Variants in DPYSL3 observed in about 807,000 individuals in gnomAD.
DPYSL3 encodes dihydropyrimidinase like 3.
DPYSL3 carries 16 observed loss-of-function variants against 66.1 expected under a neutral mutation model. The observed-to-expected ratio is 0.24, with a 90% CI of 0.16 to 0.37. DPYSL3 has a LOEUF of 0.37. DPYSL3 is among the 10% of genes least tolerant of loss of function. The pLI, the probability that DPYSL3 is intolerant of heterozygous loss-of-function variation, is 1.00. For missense variants in DPYSL3, 738 were observed against 916.2 expected (o/e 0.81, Z 2.51); for synonymous variants, 338 against 345.1 (o/e 0.98, Z 0.23).
intron 1 of DPYSL3, among the ~76,000 whole-genome samples, chr5:147,474,085 T>C (rs1753122171): frequency 6.6e-6 from 1 of 152,216 alleles, no homozygotes; most frequent in African/African-American, 2.4e-5. Flanking sequence ...ACTGTCTTAA[T>C]CTTTTTGAGT....
At chr5:147,460,203 G>A (rs924178802) in intron 1 of DPYSL3, among the ~76,000 whole-genome samples, 1 of 152,186 alleles carries the variant, frequency 6.6e-6, no homozygotes, top group African/African-American at 2.4e-5. Context: ...CACAAGTGAA[G>A]TTACATTCAT....
intron 7 of DPYSL3, among the ~76,000 whole-genome samples, chr5:147,408,367 A>G (rs1435098592): frequency 1.3e-5 from 2 of 152,218 alleles, no homozygotes; most frequent in Admixed American, 6.5e-5. Flanking sequence ...GTATATAAAA[A>G]ACCCATTCAA....
intron 7 of DPYSL3, among the ~76,000 whole-genome samples, 178 bp downstream of exon 7, chr5:147,408,550 A>G (rs1581177540): frequency 1.3e-5 from 2 of 152,190 alleles, no homozygotes; most frequent in African/African-American, 2.4e-5. Flanking sequence ...AGGGGTCAGA[A>G]ATAAGCATGT....
intron 3 of DPYSL3, among the ~76,000 whole-genome samples, chr5:147,417,442 G>A (rs1751992254): frequency 6.6e-6 from 1 of 152,160 alleles, no homozygotes; most frequent in Non-Finnish European, 1.5e-5. Context: ...TTATGGCTTT[G>A]GTGCAATTTT....
rs1241871008 is a variant in DPYSL3, at chr5:147,415,752, A to G, written c.777T>C (p.Asn259=). 6.2e-7 allele frequency: 1 copy of G among 1,614,096 alleles called. No individual in the cohort carries two copies. Among genetic ancestry groups the G allele is most frequent in the Non-Finnish European group, 8.5e-7 (1 of 1,179,988 alleles). Residue 259 remains asparagine (N), a synonymous_variant, in exon 4 of 14, where the codon AAT becomes AAC. Transcript: ENST00000343218. Reference sequence around the variant, plus strand: ...TCTGCACTTCCTGCTTGACGCTGTCATTCCAGTGGGTGATGTCCACATGCA... The same window carrying G: ...TCTGCACTTCCTGCTTGACGCTGTCGTTCCAGTGGGTGATGTCCACATGCA... The part of the protein sequence containing the change: ...YALHVDITHW[N]DSVKQEVQNL...
intron 1 of DPYSL3, among the ~76,000 whole-genome samples, chr5:147,488,572 C>G (rs922005358): frequency 1.3e-5 from 2 of 151,794 alleles, no homozygotes; most frequent in Non-Finnish European, 2.9e-5. Context: ...TAAAAATTAG[C>G]CTGCATGGTG....
chr5:147,504,719 C>T (rs1753660931), intron 1 of DPYSL3, among the ~76,000 whole-genome samples: 1 of 152,216 alleles, frequency 6.6e-6, no homozygotes. Flanking sequence ...GTTCCCTCTG[C>T]ACCCAGAGCC....
At chr5:147,485,958 A>G (rs62379595) in intron 1 of DPYSL3, among the ~76,000 whole-genome samples, 3,989 of 152,264 alleles carry the variant, frequency 0.026, 65 homozygotes, top group Non-Finnish European at 0.041. Flanking sequence ...CCCAATGTCT[A>G]TCAGCTGATG....
At chr5:147,485,422 C>A (rs1344999095) in intron 1 of DPYSL3, among the ~76,000 whole-genome samples, 1 of 152,166 alleles carries the variant, frequency 6.6e-6, no homozygotes, top group Non-Finnish European at 1.5e-5. Context: ...CAGCAATACT[C>A]TCCCATAGCA....
intron 1 of DPYSL3, among the ~76,000 whole-genome samples, chr5:147,467,303 G>T (rs1753024521): frequency 6.6e-6 from 1 of 152,298 alleles, no homozygotes; most frequent in Admixed American, 6.5e-5. Context: ...ACACAAAAAA[G>T]GGGAAACAGG....
At position 147,391,873 on chromosome 5, in the gene DPYSL3, CG is replaced by C. The variant is rs1757818960; in HGVS notation, c.*2161del. 1 of 152,112 alleles carries C rather than the reference CG, an allele frequency of 6.6e-6. No individual in the cohort carries two copies. The highest frequency in any genetic ancestry group is 1.5e-5 in the Non-Finnish European group (1 of 68,042). The allele number at this position is 152,112 out of a possible 1,614,324, so 9.4% of individuals were successfully genotyped here. A position where few individuals can be genotyped will look rare whatever the true frequency, so the allele number is the denominator to read the frequency against. On this transcript the variant is annotated 3_prime_UTR_variant, in exon 14 of 14. Transcript: ENST00000343218. ...AAGGTTCTGGTGGAATGGTTCACTTCGGAAGTCCCAAGGGCAGTGCGGATGA... is the reference window on the plus strand; with the variant it reads ...AAGGTTCTGGTGGAATGGTTCACTTCGAAGTCCCAAGGGCAGTGCGGATGA...
At chr5:147,478,469 A>G (rs548796206) in intron 1 of DPYSL3, among the ~76,000 whole-genome samples, 6 of 152,342 alleles carry the variant, frequency 3.9e-5, no homozygotes, top group East Asian at 1.9e-4. Flanking sequence ...GAAGGCAGCC[A>G]AGAGAGTCCA....
chr5:147,400,818 T>C lies in DPYSL3; in HGVS notation c.1326A>G (p.Leu442=), dbSNP rs762286701. 6.2e-7 allele frequency: 1 copy of C among 1,613,840 alleles called. No homozygotes were observed. The highest frequency in any genetic ancestry group is 1.7e-5 in the Admixed American group (1 of 59,998). ...NSLLASGDLQ[L]SGSAHCTFST... ...TGAAGGTGCAGTGGGCACTCCCAGATAGCTGCAGATCCCCGCTGGCAAAGG... is the reference window on the plus strand; with the variant it reads ...TGAAGGTGCAGTGGGCACTCCCAGACAGCTGCAGATCCCCGCTGGCAAAGG... Residue 442 remains leucine, a synonymous_variant, in exon 10 of 14, where the codon CTA becomes CTG. Transcript: ENST00000343218.
intron 1 of DPYSL3, among the ~76,000 whole-genome samples, chr5:147,452,409 A>G (rs1489697756): frequency 2.0e-5 from 3 of 151,920 alleles, no homozygotes; most frequent in African/African-American, 7.2e-5. Context: ...TTCAGCTTGC[A>G]AAGATGGAGT....
At chr5:147,464,281 G>T (rs6870493) in intron 1 of DPYSL3, among the ~76,000 whole-genome samples, 350 of 152,240 alleles carry the variant, frequency 2.3e-3, no homozygotes, top group African/African-American at 8.2e-3. Context: ...AGAACCAAGG[G>T]GAAGAAGCAG....
rs1408390646 is a variant in DPYSL3, at chr5:147,399,379, G to A, written c.1453-127C>T. On this transcript the variant is annotated intron_variant, in intron 10 of 13. Transcript: ENST00000343218. ...CAAAAAGGAGCCACCTGAAAAGCTG[G>A]TGAGCTACAGAACCTCACTCAGCAA... The A allele has an allele frequency of 5.4e-6, 6 of 1,119,010 alleles. No homozygotes were observed. The Admixed American group carries it at 1.1e-4, about 21-fold the overall frequency. The allele number at this position is 1,119,010 out of a possible 1,614,324, so 69.3% of individuals were successfully genotyped here.
chr5:147,466,053 T>A (rs1417899712), intron 1 of DPYSL3, among the ~76,000 whole-genome samples: 1 of 152,192 alleles, frequency 6.6e-6, no homozygotes. Context: ...TTTTATAGAT[T>A]TCACACTCAC....
chr5:147,395,758 T>A, intron 12 of DPYSL3, 37 bp from the exon 13 acceptor site: 1 of 1,610,740 alleles, frequency 6.2e-7, no homozygotes, highest in East Asian at 2.2e-5. Flanking sequence ...ATTCATTCAT[T>A]CAGCATTTTA....
At chr5:147,454,545 C>T (rs1409052797) in intron 1 of DPYSL3, among the ~76,000 whole-genome samples, 1 of 152,204 alleles carries the variant, frequency 6.6e-6, no homozygotes, top group Admixed American at 6.5e-5. Flanking sequence ...GACTGAGTCT[C>T]AGAATCAAAG....
Sources: allele counts gnomAD v4.1 joint callset (sites outside exome capture counted in the v4.1 genomes callset), GRCh38; gene constraint gnomAD v4.1.1; transcripts MANE v1.5; gene names NCBI Gene and HGNC (gene_info 2026-07-23, HGNC 2026-07-21).